Variants in EDIL3 observed in about 807,000 individuals in gnomAD.
EDIL3 encodes the protein EGF-like repeat and discoidin I-like domain-containing protein 3.
EDIL3 carries 37 observed loss-of-function variants against 67.4 expected under a neutral mutation model. The ratio of observed to expected loss-of-function variants is 0.55; its 90% CI spans 0.42 to 0.72. The LOEUF is 0.72. Among genes scored for constraint, EDIL3 ranks in the 30% least tolerant of loss-of-function variants. EDIL3 has a pLI of 0.00. For synonymous variants in EDIL3, 195 were observed against 196.3 expected (o/e 0.99, Z 0.05); for missense variants, 527 against 586.3 (o/e 0.90, Z 1.04).
chr5:84,141,457 A>C (rs1001534198), intron 4 of EDIL3, among the ~76,000 whole-genome samples: 43 of 147,000 alleles, frequency 2.9e-4, no homozygotes, highest in African/African-American at 1.0e-3. Context: ...ATAATTTCAT[A>C]TATATGAAAT....
chr5:84,226,357 A>G (rs1338489817), intron 3 of EDIL3, among the ~76,000 whole-genome samples: 1 of 151,790 alleles, frequency 6.6e-6, no homozygotes, highest in Non-Finnish European at 1.5e-5. Context: ...ACAGCTATAA[A>G]TTAAAGATAT....
In EDIL3 at chr5:83,985,452, T is replaced by G. The variant is rs528525708; in HGVS notation, c.1138-22092A>C. ...CTTAATATTTTTTGGTGACAGAATT[T>G]AATTGAATTGAATTGTGGTGTCTGT... is the stretch of plus-strand genomic sequence containing the variant. On this transcript the variant is annotated intron_variant, in intron 9 of 10. Transcript: ENST00000296591. Among the ~76,000 whole-genome samples the G allele has an allele frequency of 7.2e-5, 11 of 152,234 alleles. No individual in the cohort carries two copies. In the East Asian group the frequency reaches 1.7e-3, roughly 24 times the overall value.
rs1287679844 is a variant in EDIL3, at chr5:84,319,332, C to T, written c.67+64976G>A. Among the ~76,000 whole-genome samples the T allele has an allele frequency of 4.8e-4, 53 of 111,072 alleles. 11 individuals are homozygous for T. The highest frequency in any genetic ancestry group is 1.3e-3 in the African/African-American group (42 of 31,370). 72.9% of individuals were successfully genotyped at this position (111,072 alleles called of 152,430 possible). On this transcript the variant is annotated intron_variant, in intron 1 of 10. Coordinates refer to ENST00000296591, the MANE Select transcript of EDIL3 (RefSeq NM_005711.5). Reference sequence around the variant, plus strand: ...AAAAAAAATTAGCCGGGCGCAGTGGCGGGCGCCTGTAGTCCCAGCTACTCG... The same window carrying T: ...AAAAAAAATTAGCCGGGCGCAGTGGTGGGCGCCTGTAGTCCCAGCTACTCG...
chr5:84,369,802 C>T (rs910306261), intron 1 of EDIL3, among the ~76,000 whole-genome samples: 24 of 152,074 alleles, frequency 1.6e-4, no homozygotes, highest in African/African-American at 3.6e-4. Context: ...AACCCCCAAA[C>T]GCTGTATGAT....
Position 84,384,404 on chromosome 5 carries a change from G to GT in EDIL3, c.-31_-30insA. On this transcript the variant is annotated 5_prime_UTR_variant, in exon 1 of 11. Coordinates refer to ENST00000296591, the MANE Select transcript of EDIL3 (RefSeq NM_005711.5). ...CCGTCTCCCGGACGTGACCCCGGCT[G>GT]GTCAGGGGTCGTCGCGGAGGGCAGT... 6.2e-7 allele frequency: 1 copy of GT among 1,611,436 alleles called. No homozygotes were observed.
chr5:84,256,138 A>ATCTC (rs1561236892), intron 1 of EDIL3, among the ~76,000 whole-genome samples: 1 of 98,722 alleles, frequency 1.0e-5, no homozygotes. Flanking sequence ...CTATCTATCT[A>ATCTC]TCTATCTATC....
chr5:84,070,678 G>A lies in EDIL3; in HGVS notation c.652-4072C>T, dbSNP rs557876340. ...ATCTAATCATGAGTCTTACCATGGG[G>A]GGTGGGATTAATGGGTTCTTGACAA... On this transcript the variant is annotated intron_variant, in intron 6 of 10. Transcript: ENST00000296591. 2.4e-4 allele frequency among the ~76,000 whole-genome samples: 36 copies of A among 151,254 alleles called. No individual in the cohort carries two copies. In the South Asian group the frequency reaches 7.1e-3, roughly 30 times the overall value.
chr5:84,140,958 T>C (rs1748177278), intron 4 of EDIL3, among the ~76,000 whole-genome samples: 1 of 152,030 alleles, frequency 6.6e-6, no homozygotes, highest in African/African-American at 2.4e-5. Flanking sequence ...GCAATCTAAA[T>C]GGAAACTGAC....
chr5:84,255,561 T>C (rs975935569), intron 1 of EDIL3, among the ~76,000 whole-genome samples: 2 of 152,158 alleles, frequency 1.3e-5, no homozygotes, highest in African/African-American at 4.8e-5. Flanking sequence ...AGTAAGGGAC[T>C]TTTCAAAATA....
chr5:84,133,537 G>A (rs1748034920), intron 5 of EDIL3, among the ~76,000 whole-genome samples: 1 of 151,450 alleles, frequency 6.6e-6, no homozygotes, highest in Non-Finnish European at 1.5e-5. Flanking sequence ...TAGGGAGGCT[G>A]AGGCAGGAGA....
At chr5:84,208,991 A>G (rs556732051) in intron 3 of EDIL3, among the ~76,000 whole-genome samples, 1 of 152,350 alleles carries the variant, frequency 6.6e-6, no homozygotes, top group South Asian at 2.1e-4. Context: ...TCCAACAATG[A>G]TAGACTGGAT....
intron 9 of EDIL3, among the ~76,000 whole-genome samples, chr5:84,042,639 C>T (rs1325620634): frequency 1.3e-5 from 2 of 152,104 alleles, no homozygotes; most frequent in Admixed American, 1.3e-4. Flanking sequence ...AGGCACACCC[C>T]TGCTTCCTTT....
At chr5:84,146,034 G>T (rs754087986) in intron 4 of EDIL3, among the ~76,000 whole-genome samples, 1 of 152,042 alleles carries the variant, frequency 6.6e-6, no homozygotes. Context: ...ATTAAAATTT[G>T]TTGCTTGCAT....
chr5:84,186,011 G>T (rs573924728), intron 3 of EDIL3, among the ~76,000 whole-genome samples: 9 of 152,020 alleles, frequency 5.9e-5, no homozygotes, highest in Non-Finnish European at 1.0e-4. Context: ...GTAGTCCAAG[G>T]TCTCAACTTA....
At chr5:83,977,648 G>A (rs116434629) in intron 9 of EDIL3, among the ~76,000 whole-genome samples, 1,575 of 151,762 alleles carry the variant, frequency 0.01, 13 homozygotes, top group Non-Finnish European at 0.017. Context: ...CTCTGAGTAA[G>A]TTTTGGTAAT....
intron 6 of EDIL3, among the ~76,000 whole-genome samples, chr5:84,068,658 A>G (rs528742182): frequency 3.3e-4 from 51 of 152,344 alleles, no homozygotes; most frequent in African/African-American, 1.2e-3. Context: ...AGATATTTGT[A>G]ATTAAATTTT....
chr5:84,225,325 A>G (rs988574235), intron 3 of EDIL3, among the ~76,000 whole-genome samples: 5 of 151,692 alleles, frequency 3.3e-5, no homozygotes, highest in African/African-American at 4.8e-5. Context: ...TTGCAAGGCA[A>G]TTTAGAAGTT....
intron 9 of EDIL3, among the ~76,000 whole-genome samples, chr5:83,970,259 TATATA>T (rs1561389028): frequency 5.2e-5 from 2 of 38,534 alleles, no homozygotes; most frequent in Admixed American, 4.4e-4. Flanking sequence ...TCACTAATTA[TATATA>T]TATATATATA....
chr5:84,066,392 T>C, intron 7 of EDIL3, 59 bp downstream of exon 7: 2 of 1,502,424 alleles, frequency 1.3e-6, no homozygotes, highest in East Asian at 2.4e-5. Context: ...TGTCATTTGA[T>C]AATCAATAAT....
Sources: gnomAD v4.1 joint callset for allele counts (sites outside exome capture counted in the v4.1 genomes callset) on GRCh38, gnomAD v4.1.1 for gene constraint, MANE v1.5 for transcripts, NCBI Gene and HGNC (gene_info 2026-07-23, HGNC 2026-07-21) for gene names.